The following PRDM16 variants were observed in gnomAD, a reference collection of about 807,000 sequenced individuals.
PRDM16 encodes PR/SET domain 16.
In PRDM16, 23 loss-of-function variants were observed where a neutral mutation model predicts 110.6. The ratio of observed to expected loss-of-function variants is 0.21; its 90% confidence interval spans 0.15 to 0.29. The LOEUF (loss-of-function observed/expected upper bound fraction) is 0.29. Among genes scored for constraint, PRDM16 ranks in the 10% least tolerant of loss-of-function variants. The probability of loss-of-function intolerance (pLI) is 1.00; values close to 1 mark genes in which losing one functional copy is unlikely to be tolerated. For synonymous variants in PRDM16, 799 were observed against 781.8 expected (o/e 1.02, Z -0.37); for missense variants, 1,615 against 1,794.3 (o/e 0.90, Z 1.81).
At chr1:3,232,143 C>A (rs1220524321) in intron 2 of PRDM16, among the ~76,000 whole-genome samples, 1 of 152,232 alleles carries the variant, frequency 6.6e-6, no homozygotes, top group African/African-American at 2.4e-5. Context: ...TGGAAACATT[C>A]CTTATGTGAG....
At position 3,340,895 on chromosome 1, in the gene PRDM16, C is replaced by T. The variant is rs529015624; in HGVS notation, c.439-44257C>T. On this transcript the variant is annotated intron_variant, in intron 3 of 16. Coordinates refer to ENST00000270722, the MANE Select transcript of PRDM16 (RefSeq NM_022114.4). ...CAGAGGTGAAGCTGGCATTGGGGGC[C>T]GTGCTGCAGCAGGACAGAGCTGGCT... 5.0e-4 allele frequency among the ~76,000 whole-genome samples: 76 copies of T among 152,290 alleles called. No individual in the cohort carries two copies. In the South Asian group the frequency reaches 8.9e-3, roughly 18 times the overall value.
chr1:3,106,436 G>A (rs887238547), intron 1 of PRDM16, among the ~76,000 whole-genome samples: 1 of 152,160 alleles, frequency 6.6e-6, no homozygotes, highest in Non-Finnish European at 1.5e-5. Context: ...GGCCAGAAGC[G>A]GCTCAGGGGC....
At chr1:3,122,944 C>G (rs990003983) in intron 1 of PRDM16, among the ~76,000 whole-genome samples, 2 of 152,152 alleles carry the variant, frequency 1.3e-5, no homozygotes, top group Admixed American at 1.3e-4. Context: ...CACGGGAGCC[C>G]GAGGCCTGGG....
At chr1:3,367,621 T>C (rs772339777) in intron 3 of PRDM16, among the ~76,000 whole-genome samples, 3 of 152,204 alleles carry the variant, frequency 2.0e-5, no homozygotes, top group Non-Finnish European at 4.4e-5. Context: ...CGTGCGGTCC[T>C]GTGGTTCCCT....
intron 1 of PRDM16, among the ~76,000 whole-genome samples, chr1:3,098,117 TGCTGGGG>T (rs1488844693): frequency 3.3e-5 from 5 of 152,138 alleles, no homozygotes; most frequent in Admixed American, 6.5e-5. Flanking sequence ...CCTGTCAGTG[TGCTGGGG>T]GCTGAGCCTT....
At chr1:3,415,199 C>T (rs970396372) in intron 10 of PRDM16, among the ~76,000 whole-genome samples, 2 of 152,148 alleles carry the variant, frequency 1.3e-5, no homozygotes, top group African/African-American at 2.4e-5. Flanking sequence ...CCTGGAGGTG[C>T]TCCTGCCTGC....
In PRDM16 at chr1:3,425,997, C is replaced by T. The variant is rs902035875; in HGVS notation, c.3110-54C>T. On this transcript the variant is annotated intron_variant, in intron 13 of 16. Coordinates refer to ENST00000270722, the MANE Select transcript of PRDM16 (RefSeq NM_022114.4). The surrounding 1 kb of genome is among the most constrained non-coding windows in gnomAD (Gnocchi z 6.9). ...CCCCGTTCGCGGTTGGTTTGCCCCA[C>T]GGAGGGAGGGGTCCAGCGAGAGGCC... 1.4e-4 allele frequency: 220 copies of T among 1,566,764 alleles called. No homozygotes were observed. The East Asian group carries it at 1.7e-3, about 12-fold the overall frequency.
chr1:3,385,338 G>A, intron 4 of PRDM16, 52 bp downstream of exon 4: 1 of 1,595,522 alleles, frequency 6.3e-7, no homozygotes, highest in South Asian at 1.1e-5. Context: ...TGTCCCTGAG[G>A]ATGTGGCACC....
At chr1:3,286,616 G>A (rs1409018981) in intron 3 of PRDM16, among the ~76,000 whole-genome samples, 1 of 152,136 alleles carries the variant, frequency 6.6e-6, no homozygotes, top group East Asian at 1.9e-4. Context: ...GGAACCCCGT[G>A]TCCTCCATAA....
At chr1:3,294,808 A>G (rs1361694490) in intron 3 of PRDM16, among the ~76,000 whole-genome samples, 4 of 152,212 alleles carry the variant, frequency 2.6e-5, no homozygotes, top group Non-Finnish European at 5.9e-5. Context: ...GGTCCTGATC[A>G]CGGGCACGGC....
intron 3 of PRDM16, among the ~76,000 whole-genome samples, chr1:3,352,436 A>T (rs1166256633): frequency 6.6e-6 from 1 of 151,962 alleles, no homozygotes; most frequent in Non-Finnish European, 1.5e-5. Context: ...TGCTGCCCGC[A>T]GTGGGCTGGG....
intron 2 of PRDM16, among the ~76,000 whole-genome samples, chr1:3,211,656 G>A (rs948602408): frequency 8.5e-5 from 13 of 152,236 alleles, no homozygotes; most frequent in African/African-American, 2.4e-4. Context: ...GGGGGCCGGC[G>A]CTGGTGGTCA....
intron 8 of PRDM16, among the ~76,000 whole-genome samples, chr1:3,408,564 C>T (rs1439782298): frequency 2.7e-5 from 3 of 109,624 alleles, no homozygotes; most frequent in Middle Eastern, 7.8e-3. Context: ...GTGCATGTGT[C>T]GGTGCGTGTG....
At position 3,430,814 on chromosome 1, in the gene PRDM16, G is replaced by T. The variant is rs1250661669; in HGVS notation, c.3285-58G>T. On this transcript the variant is annotated intron_variant, in intron 14 of 16. Transcript: ENST00000270722. The stretch of plus-strand genomic sequence containing the variant: ...AGAGCGGAGTCACCAGCCTTTGGGG[G>T]TCCATGGGAAGGACAGAGACACCCA... 5.6e-6 allele frequency: 9 copies of T among 1,592,940 alleles called. No individual in the cohort carries two copies. The South Asian group carries it at 9.0e-5, about 16-fold the overall frequency.
chr1:3,072,357 T>C (rs1641784931), intron 1 of PRDM16, among the ~76,000 whole-genome samples: 1 of 152,132 alleles, frequency 6.6e-6, no homozygotes, highest in Non-Finnish European at 1.5e-5. Flanking sequence ...GGCACCCCCA[T>C]CAGAGCTGCT....
chr1:3,077,190 C>T (rs1039227400), intron 1 of PRDM16, among the ~76,000 whole-genome samples: 6 of 152,216 alleles, frequency 3.9e-5, no homozygotes, highest in East Asian at 3.9e-4. Context: ...TCCTGGTCCA[C>T]GGGCCTCCTG....
intron 3 of PRDM16, among the ~76,000 whole-genome samples, chr1:3,296,048 G>C (rs1312959803): frequency 6.6e-6 from 1 of 152,208 alleles, no homozygotes; most frequent in Non-Finnish European, 1.5e-5. Flanking sequence ...CTAAGCTGGG[G>C]ACTTGCCCGA....
chr1:3,316,430 T>C (rs1237763397), intron 3 of PRDM16, among the ~76,000 whole-genome samples: 1 of 152,164 alleles, frequency 6.6e-6, no homozygotes, highest in Non-Finnish European at 1.5e-5. Context: ...AATGGGCACT[T>C]ATGAAGTGCC....
chr1:3,266,781 T>TAAA (rs1640304447), intron 3 of PRDM16, among the ~76,000 whole-genome samples: 3 of 152,236 alleles, frequency 2.0e-5, no homozygotes, highest in African/African-American at 7.2e-5. Flanking sequence ...GGTCAAACAA[T>TAAA]TCTCTTGCCT....
Sources: allele counts gnomAD v4.1 joint callset (sites outside exome capture counted in the v4.1 genomes callset), GRCh38; gene constraint gnomAD v4.1.1; non-coding constraint Gnocchi (gnomAD v3.1); transcripts MANE v1.5; gene names NCBI Gene and HGNC (gene_info 2026-07-23, HGNC 2026-07-21).